ADAM12: variants seen among roughly 807,000 people sequenced by gnomAD.
The protein encoded by ADAM12 is ADAM metallopeptidase domain 12, also known as disintegrin and metalloproteinase domain-containing protein 12.
A neutral mutation model predicts 106.4 loss-of-function variants in ADAM12; 70 were observed. That is an observed-to-expected ratio of 0.66 (90% CI 0.54 to 0.80). ADAM12 has a LOEUF of 0.80. Among genes scored for constraint, ADAM12 ranks in the 30% least tolerant of loss-of-function variants. ADAM12 has a pLI of 0.00. For synonymous variants in ADAM12, 420 were observed against 433.5 expected (o/e 0.97, Z 0.39); for missense variants, 1,010 against 1,171.9 (o/e 0.86, Z 2.02).
At chr10:126,037,285 C>T (rs78782678) in intron 20 of ADAM12, among the ~76,000 whole-genome samples, 13 of 136,290 alleles carry the variant, frequency 9.5e-5, no homozygotes, top group African/African-American at 1.4e-4. Flanking sequence ...TAAGGCTGTG[C>T]TTTTTTTTTT....
intron 3 of ADAM12, among the ~76,000 whole-genome samples, chr10:126,222,385 C>A (rs1456697601): frequency 1.3e-5 from 2 of 151,820 alleles, no homozygotes; most frequent in African/African-American, 4.8e-5. Flanking sequence ...AATCTGTTAG[C>A]CTCTCTGTGA....
At chr10:126,286,047 T>G (rs1399163817) in intron 2 of ADAM12, among the ~76,000 whole-genome samples, 2 of 150,874 alleles carry the variant, frequency 1.3e-5, no homozygotes, top group East Asian at 3.9e-4. Flanking sequence ...TGGAGGCTGA[T>G]CCAAACTTGA....
Position 126,311,166 on chromosome 10 carries a change from T to C in ADAM12, c.186+19246A>G, listed in dbSNP as rs1235280610. ...GCACGCACACAAGCTGCATGAGATA[T>C]ACTCAAAGACTCCTCATTGGTTTTC... On this transcript the variant is annotated intron_variant, in intron 2 of 22. Coordinates refer to ENST00000448723, the MANE Select transcript of ADAM12 (RefSeq NM_001288973.2). Among the ~76,000 whole-genome samples, 4 of 150,566 alleles carry C rather than the reference T, an allele frequency of 2.7e-5. No individual in the cohort carries two copies. In the East Asian group the frequency reaches 7.9e-4, roughly 30 times the overall value.
At chr10:126,198,690 A>G (rs1463956011) in intron 3 of ADAM12, among the ~76,000 whole-genome samples, 2 of 152,200 alleles carry the variant, frequency 1.3e-5, no homozygotes, top group Non-Finnish European at 2.9e-5. Context: ...TTGCAAAGCA[A>G]ATGAACAACC....
At position 126,036,282 on chromosome 10, in the gene ADAM12, C is replaced by T. The variant is rs1004716964; in HGVS notation, c.2393G>A (p.Ser798Asn). 1.3e-6 allele frequency: 2 copies of T among 1,561,610 alleles called. No individual in the cohort carries two copies. The highest frequency in any genetic ancestry group is 1.2e-5 in the South Asian group (1 of 82,146). ...RLLQCQNVDI[S>N]RPLNGLNVPQ... ...GACATTCAGGCCGTTGAGGGGTCTG[C>T]TGATGTCAACATTCTGACACTGCAG... The change falls in exon 21 of 23, where the codon AGC becomes AAC. Residue 798 changes from serine (S) to asparagine (N), a missense_variant. Transcript: ENST00000448723.
intron 6 of ADAM12, among the ~76,000 whole-genome samples, chr10:126,117,717 T>C (rs1218441463): frequency 2.4e-5 from 3 of 124,282 alleles, no homozygotes; most frequent in Non-Finnish European, 4.7e-5. Flanking sequence ...GTAGGGTCTC[T>C]TGGGAGATTC....
intron 1 of ADAM12, among the ~76,000 whole-genome samples, 165 bp downstream of exon 1, chr10:126,387,893 G>GGC (rs1554879311): frequency 2.3e-5 from 3 of 131,864 alleles, no homozygotes; most frequent in South Asian, 5.1e-4. Flanking sequence ...GGCACCTGGG[G>GGC]GGGGGGGGTC....
intron 1 of ADAM12, among the ~76,000 whole-genome samples, chr10:126,362,218 C>T (rs890441954): frequency 6.6e-6 from 1 of 151,854 alleles, no homozygotes; most frequent in Non-Finnish European, 1.5e-5. Flanking sequence ...AGGGAAATGC[C>T]AATAAAACCA....
intron 9 of ADAM12, among the ~76,000 whole-genome samples, chr10:126,098,778 T>C (rs1418049473): frequency 6.6e-6 from 1 of 152,222 alleles, no homozygotes; most frequent in Admixed American, 6.5e-5. Context: ...TATTTCCTAA[T>C]GGACTGTAGG....
chr10:126,316,345 A>G (rs1355074959), intron 2 of ADAM12, among the ~76,000 whole-genome samples: 2 of 152,192 alleles, frequency 1.3e-5, no homozygotes, highest in African/African-American at 4.8e-5. Context: ...AAGCAGGGTA[A>G]TCTCTAATCG....
chr10:126,152,807 C>T lies in ADAM12; in HGVS notation c.339+2420G>A, dbSNP rs142309492. 5.9e-3 allele frequency among the ~76,000 whole-genome samples: 891 copies of T among 152,134 alleles called. 9 individuals carry two copies. The highest frequency in any genetic ancestry group is 0.021 in the African/African-American group (851 of 41,512). ...TATCTTGCTATTTTATGTTTTTCTA[C>T]TCTTTAAATAGTTATACTTAAAATT... On this transcript the variant is annotated intron_variant, in intron 4 of 22. Transcript: ENST00000448723.
intron 3 of ADAM12, among the ~76,000 whole-genome samples, chr10:126,250,440 T>C (rs953284886): frequency 6.6e-5 from 10 of 152,186 alleles, no homozygotes; most frequent in Admixed American, 6.5e-4. Flanking sequence ...ATAATGAACA[T>C]TTTTAGGCAG....
chr10:126,132,292 C>T (rs1956320326), intron 5 of ADAM12, among the ~76,000 whole-genome samples: 1 of 152,292 alleles, frequency 6.6e-6, no homozygotes, highest in Admixed American at 6.5e-5. Flanking sequence ...CTCTTCTTTA[C>T]ACACAATGAC....
intron 3 of ADAM12, among the ~76,000 whole-genome samples, chr10:126,191,038 G>A (rs1461170921): frequency 8.3e-6 from 1 of 119,900 alleles, no homozygotes; most frequent in East Asian, 2.3e-4. Flanking sequence ...GTCTTGCTCT[G>A]TCACCCAGGC....
rs1192696848 is a variant in ADAM12, at chr10:126,039,381, A to G, written c.2153T>C (p.Leu718Pro). The change falls in exon 19 of 23, where the codon CTT (leucine) becomes CCT (proline). Residue 718 changes from leucine to proline, a missense_variant. Transcript: ENST00000448723. Reference protein sequence around the residue: ...IGILVTILCLLAAGFVVYLKR... With the variant: ...IGILVTILCLPAAGFVVYLKR... ...GAGATAAACCACAAATCCGGCAGCA[A>G]GAAGACACAGGATGGTCACCAGAAT... 4 of 1,614,074 alleles carry G rather than the reference A, an allele frequency of 2.5e-6. No homozygotes were observed. Among genetic ancestry groups the G allele is most frequent in the African/African-American group, 2.7e-5 (2 of 74,934 alleles).
At chr10:126,263,530 G>A (rs1959041167) in intron 3 of ADAM12, among the ~76,000 whole-genome samples, 2 of 151,352 alleles carry the variant, frequency 1.3e-5, no homozygotes, top group African/African-American at 4.8e-5. Context: ...TCCTCAAATG[G>A]TCTTCATCAT....
At chr10:126,158,288 C>T (rs111908697) in intron 3 of ADAM12, among the ~76,000 whole-genome samples, 45 of 30,194 alleles carry the variant, frequency 1.5e-3, no homozygotes, top group African/African-American at 3.2e-3. Context: ...CACAGAGCAC[C>T]GGGAGAGGAG....
At chr10:126,113,703 T>A (rs2446694) in intron 6 of ADAM12, among the ~76,000 whole-genome samples, 708 of 49,598 alleles carry the variant, frequency 0.014, 9 homozygotes, top group Non-Finnish European at 0.02. Flanking sequence ...TATATATATA[T>A]ATATATATAT....
intron 21 of ADAM12, among the ~76,000 whole-genome samples, chr10:126,025,464 T>C (rs1456406352): frequency 6.7e-6 from 1 of 150,364 alleles, no homozygotes; most frequent in East Asian, 2.0e-4. Flanking sequence ...TATCCTGAAA[T>C]AAGATGGGCA....
Sources: allele counts gnomAD v4.1 joint callset (sites outside exome capture counted in the v4.1 genomes callset), GRCh38; gene constraint gnomAD v4.1.1; transcripts MANE v1.5; gene names NCBI Gene and HGNC (gene_info 2026-07-23, HGNC 2026-07-21).